The following MFSD6 variants were observed in gnomAD, a reference collection of about 807,000 sequenced individuals.
MFSD6 encodes the protein major facilitator superfamily domain-containing protein 6.
MFSD6 carries 26 observed loss-of-function variants against 56.3 expected under a neutral mutation model. The observed-to-expected ratio is 0.46, with a 90% confidence interval of 0.34 to 0.64. The LOEUF (loss-of-function observed/expected upper bound fraction) is 0.64. MFSD6 is among the 30% of genes least tolerant of loss of function. MFSD6 has a pLI of 0.01. For synonymous variants in MFSD6, 331 were observed against 366.9 expected (o/e 0.90, Z 1.12); for missense variants, 750 against 986.2 (o/e 0.76, Z 3.21).
At chr2:190,407,718 A>C (rs936664940), upstream of MFSD6, among the ~76,000 whole-genome samples, 3 of 152,148 alleles carry the variant, frequency 2.0e-5, no homozygotes, top group African/African-American at 7.2e-5. This position sits in a 1 kb window ranked among gnomAD's most constrained non-coding sequence, Gnocchi z 5.4. Flanking sequence ...TTCCTGAAAA[A>C]GGGTGCCTTC....
chr2:190,480,133 A>G (rs1295800664), intron 4 of MFSD6, among the ~76,000 whole-genome samples: 1 of 152,226 alleles, frequency 6.6e-6, no homozygotes, highest in African/African-American at 2.4e-5. Flanking sequence ...ACTGCATTCC[A>G]GCCTGGGTGA....
Position 190,425,937 on chromosome 2 carries a change from GT to G in MFSD6, c.-53-10035del, listed in dbSNP as rs1257992908. ...TCAGAAATCTGCTATCATTTCAATT[GT>G]TTTTCTCCCATTGGTAAGTTGTTTC... On this transcript the variant is annotated intron_variant, in intron 2 of 7. Coordinates refer to ENST00000392328, the MANE Select transcript of MFSD6 (RefSeq NM_017694.4). This position sits in a 1 kb window ranked among gnomAD's most constrained non-coding sequence, Gnocchi z 4.3. Among the ~76,000 whole-genome samples, 1 of 151,974 alleles carries G rather than the reference GT, an allele frequency of 6.6e-6. No homozygotes were observed. Among genetic ancestry groups the G allele is most frequent in the Non-Finnish European group, 1.5e-5 (1 of 67,986 alleles).
chr2:190,421,418 A>G (rs1437703368), intron 2 of MFSD6, among the ~76,000 whole-genome samples: 1 of 152,212 alleles, frequency 6.6e-6, no homozygotes, highest in South Asian at 2.1e-4. Context: ...ACATGACTCC[A>G]TATTTCTTTC....
chr2:190,483,792 G>A (rs1179531652), intron 4 of MFSD6, among the ~76,000 whole-genome samples: 1 of 134,320 alleles, frequency 7.4e-6, no homozygotes, highest in Non-Finnish European at 1.5e-5. Context: ...CCGAGATCAC[G>A]CCATTGCACT....
At position 190,413,176 on chromosome 2, in the gene MFSD6, A is replaced by G. The variant is rs1690628407; in HGVS notation, c.-175-2116A>G. Among the ~76,000 whole-genome samples the G allele has an allele frequency of 6.6e-6, 1 of 152,068 alleles. No individual in the cohort carries two copies. Among genetic ancestry groups the G allele is most frequent in the Middle Eastern group, 3.2e-3 (1 of 316 alleles). ...CCTCTCCCTGCCTTGATCCATTATGATGTAAATCTAGCTGAGCCACGTGTT... is the reference window on the plus strand; with the variant it reads ...CCTCTCCCTGCCTTGATCCATTATGGTGTAAATCTAGCTGAGCCACGTGTT... On this transcript the variant is annotated intron_variant, in intron 1 of 7. Transcript: ENST00000392328. The surrounding 1 kb of genome is among the most constrained non-coding windows in gnomAD (Gnocchi z 4.1).
intron 3 of MFSD6, among the ~76,000 whole-genome samples, chr2:190,464,090 T>C (rs1222309376): frequency 6.6e-6 from 1 of 152,180 alleles, no homozygotes; most frequent in Non-Finnish European, 1.5e-5. Flanking sequence ...GGTTTGTTGC[T>C]GGTCTGTCTT....
In MFSD6 at chr2:190,441,367, G is replaced by C. The variant is rs185576336; in HGVS notation, c.1532+3806G>C. 1.1e-3 allele frequency among the ~76,000 whole-genome samples: 170 copies of C among 151,980 alleles called. 1 individual carries two copies. The highest frequency in any genetic ancestry group is 3.1e-4 in the Non-Finnish European group (21 of 67,998). ...ATCAGTCTTTCTAGGGGTGTACCGA[G>C]GCATTCAACGTTTTTACAGCTTCCT... On this transcript the variant is annotated intron_variant, in intron 3 of 7. Coordinates refer to ENST00000392328, the MANE Select transcript of MFSD6 (RefSeq NM_017694.4).
chr2:190,473,724 T>TA (rs1298294671), intron 4 of MFSD6, among the ~76,000 whole-genome samples: 3 of 152,214 alleles, frequency 2.0e-5, no homozygotes, highest in African/African-American at 7.2e-5. Flanking sequence ...GTGGACCTAA[T>TA]AGACATCTAC....
At position 190,463,623 on chromosome 2, in the gene MFSD6, C is replaced by A. The variant is rs1687443155; in HGVS notation, c.1533-6135C>A. Among the ~76,000 whole-genome samples the A allele has an allele frequency of 6.6e-6, 1 of 152,108 alleles. No homozygotes were observed. Among genetic ancestry groups the A allele is most frequent in the Non-Finnish European group, 1.5e-5 (1 of 68,018 alleles). On this transcript the variant is annotated intron_variant, in intron 3 of 7. Transcript: ENST00000392328. This position sits in a 1 kb window ranked among gnomAD's most constrained non-coding sequence, Gnocchi z 4.4. ...ATTGCTTGAGCCCAGGAGTTCATGA[C>A]CAGCCTGGGCAACATAGTGAGACTT...
At chr2:190,452,073 T>C (rs915062693) in intron 3 of MFSD6, among the ~76,000 whole-genome samples, 1 of 152,212 alleles carries the variant, frequency 6.6e-6, no homozygotes, top group Non-Finnish European at 1.5e-5. Flanking sequence ...AGATGAAAGT[T>C]TTTTGTTTTT....
intron 4 of MFSD6, among the ~76,000 whole-genome samples, chr2:190,483,174 G>A (rs934148497): frequency 1.3e-5 from 2 of 150,510 alleles, no homozygotes; most frequent in African/African-American, 4.9e-5. Context: ...TTACAGGCGT[G>A]AGCCACCGCG....
chr2:190,455,114 T>C (rs1235603752), intron 3 of MFSD6, among the ~76,000 whole-genome samples: 1 of 152,122 alleles, frequency 6.6e-6, no homozygotes, highest in African/African-American at 2.4e-5. Context: ...TTGGAGACTT[T>C]AGCCCAGGTT....
Position 190,489,291 on chromosome 2 carries a change from C to CAT in MFSD6, c.1792+475_1793-474dup, listed in dbSNP as rs1178320685. Among the ~76,000 whole-genome samples, 9 of 152,126 alleles carry CAT rather than the reference C, an allele frequency of 5.9e-5. No homozygotes were observed. Among genetic ancestry groups the CAT allele is most frequent in the African/African-American group, 1.7e-4 (7 of 41,416 alleles). ...CTTGTCATATCTTCCTTATTAGAAA[C>CAT]ATAGGAGCTGAAATAGGAATGAGAT... On this transcript the variant is annotated intron_variant, in intron 5 of 7. Coordinates refer to ENST00000392328, the MANE Select transcript of MFSD6 (RefSeq NM_017694.4). This position sits in a 1 kb window ranked among gnomAD's most constrained non-coding sequence, Gnocchi z 6.6.
At position 190,464,927 on chromosome 2, in the gene MFSD6, AT is replaced by A. The variant is rs1026590346; in HGVS notation, c.1533-4828del. 8.1e-6 allele frequency: 8 copies of A among 983,028 alleles called. No individual in the cohort carries two copies. In the African/African-American group the frequency reaches 1.2e-4, roughly 15 times the overall value. The allele number at this position is 983,028 out of a possible 1,614,324, so 60.9% of individuals were successfully genotyped here. ...TTTTGGTGGGGGTGGGGGAGGGTGG[AT>A]TTAGCCATATTATAGTTGGTTAAAT... is the stretch of plus-strand genomic sequence containing the variant. On this transcript the variant is annotated intron_variant, in intron 3 of 7. Transcript: ENST00000392328.
At chr2:190,476,264 A>C (rs956796519) in intron 4 of MFSD6, among the ~76,000 whole-genome samples, 3 of 152,216 alleles carry the variant, frequency 2.0e-5, no homozygotes, top group African/African-American at 7.2e-5. Flanking sequence ...ATCAGAGTGA[A>C]CAGGCAACCT....
At chr2:190,444,970 C>A in intron 3 of MFSD6, 1 of 476,348 alleles carries the variant, frequency 2.1e-6, no homozygotes, top group Non-Finnish European at 2.7e-6. Flanking sequence ...AAATTTAGAG[C>A]TAGTGTAGTC....
intron 2 of MFSD6, among the ~76,000 whole-genome samples, chr2:190,427,379 A>T (rs147752322): frequency 1.3e-5 from 2 of 152,302 alleles, no homozygotes; most frequent in East Asian, 3.9e-4. Context: ...GAATAGGGTT[A>T]TGATCATTTT....
rs140281466 is a variant in MFSD6, at chr2:190,434,576, C to T, written c.-53-1401C>T. ...TCAGCTTCCCAAGTAGCTGGGACTA[C>T]ATGCGTGCCACCAGGCCCAGCTAAT... On this transcript the variant is annotated intron_variant, in intron 2 of 7. Transcript: ENST00000392328. This position sits in a 1 kb window ranked among gnomAD's most constrained non-coding sequence, Gnocchi z 4.3. Among the ~76,000 whole-genome samples the T allele has an allele frequency of 1.3e-3, 197 of 152,288 alleles. No homozygotes were observed. The highest frequency in any genetic ancestry group is 3.4e-3 in the Middle Eastern group (1 of 294).
rs907841761 is a variant in MFSD6, at chr2:190,500,758, AAAAGTT to A, written c.*550_*555del. 12 of 152,956 alleles carry A rather than the reference AAAAGTT, an allele frequency of 7.8e-5. No homozygotes were observed. The highest frequency in any genetic ancestry group is 2.7e-4 in the African/African-American group (11 of 41,474). 9.5% of individuals were successfully genotyped at this position (152,956 alleles called of 1,614,324 possible). Reference sequence around the variant, plus strand: ...ATGTGCTTTTGTTAAAAATAAAGTTAAAAGTTAAAGTTAAAAAATGAAGTTAAAAGT... The same window carrying A: ...ATGTGCTTTTGTTAAAAATAAAGTTAAAAGTTAAAAAATGAAGTTAAAAGT... On this transcript the variant is annotated 3_prime_UTR_variant, in exon 8 of 8. Coordinates refer to ENST00000392328, the MANE Select transcript of MFSD6 (RefSeq NM_017694.4). The surrounding 1 kb of genome is among the most constrained non-coding windows in gnomAD (Gnocchi z 5.3).
Sources: gnomAD v4.1 joint callset for allele counts (sites outside exome capture counted in the v4.1 genomes callset) on GRCh38, gnomAD v4.1.1 for gene constraint, Gnocchi (gnomAD v3.1) non-coding constraint, MANE v1.5 for transcripts, NCBI Gene and HGNC (gene_info 2026-07-23, HGNC 2026-07-21) for gene names.